VPS13B: variants seen among roughly 807,000 people sequenced by gnomAD.
VPS13B encodes vacuolar protein sorting 13 homolog B, also known as intermembrane lipid transfer protein VPS13B.
A neutral mutation model predicts 426.4 loss-of-function variants in VPS13B; 285 were observed. That is an observed-to-expected ratio of 0.67 (90% CI 0.61 to 0.74). The LOEUF (loss-of-function observed/expected upper bound fraction) is 0.74, where lower values mean the gene tolerates loss of function less well. VPS13B is among the 30% of genes least tolerant of loss of function. The probability of loss-of-function intolerance (pLI) is 0.00; values close to 1 mark genes in which losing one functional copy is unlikely to be tolerated. For synonymous variants in VPS13B, 1,676 were observed against 1,676.4 expected (o/e 1.00, Z 0.01); for missense variants, 4,537 against 4,782.6 (o/e 0.95, Z 1.51).
chr8:99,377,516 A>C (rs1003835138), intron 19 of VPS13B, among the ~76,000 whole-genome samples: 1 of 151,774 alleles, frequency 6.6e-6, no homozygotes, highest in Non-Finnish European at 1.5e-5. Context: ...TGTGATTTTC[A>C]TTTTTCTTTA....
At chr8:99,308,867 G>A (rs1166517852) in intron 19 of VPS13B, among the ~76,000 whole-genome samples, 5 of 151,786 alleles carry the variant, frequency 3.3e-5, no homozygotes, top group Non-Finnish European at 7.4e-5. Flanking sequence ...TTTAATGATT[G>A]CCATTCTAAC....
At chr8:99,832,994 T>C (rs1011918086) in intron 52 of VPS13B, among the ~76,000 whole-genome samples, 2 of 152,230 alleles carry the variant, frequency 1.3e-5, no homozygotes, top group Admixed American at 6.5e-5. Context: ...TTACCTGTTA[T>C]GAGTTCTTAG....
intron 36 of VPS13B, among the ~76,000 whole-genome samples, chr8:99,700,852 G>T (rs78436051): frequency 0.02 from 3,044 of 152,226 alleles, 110 homozygotes; most frequent in African/African-American, 0.07. Context: ...CCAGAAATTT[G>T]GCTCTGAAAG....
intron 19 of VPS13B, among the ~76,000 whole-genome samples, chr8:99,283,056 T>A (rs1181686569): frequency 2.0e-5 from 3 of 152,116 alleles, no homozygotes; most frequent in Non-Finnish European, 4.4e-5. Flanking sequence ...TTGGAGTTGG[T>A]TGGTTAGAAT....
Position 99,720,586 on chromosome 8 carries a change from C to G in VPS13B, c.6865+34C>G, listed in dbSNP as rs145937657. On this transcript the variant is annotated intron_variant, in intron 38 of 61. Coordinates refer to ENST00000357162, the MANE Select transcript of VPS13B (RefSeq NM_152564.5). ...CAACAGACTCAGTATGAGAGTGTCT[C>G]TGTGCATGTGGTTGCATTTTAAATG... The G allele has an allele frequency of 1.2e-3, 1,980 of 1,597,968 alleles. 18 individuals carry two copies. The African/African-American group carries it at 0.023, about 19-fold the overall frequency.
intron 39 of VPS13B, among the ~76,000 whole-genome samples, chr8:99,734,123 T>C (rs771087295): frequency 8.8e-4 from 134 of 152,340 alleles, no homozygotes; most frequent in Non-Finnish European, 1.4e-3. Flanking sequence ...CATATAAATA[T>C]AGTTTTTTTG....
Position 99,590,578 on chromosome 8 carries a change from T to C in VPS13B, c.5220+12945T>C, listed in dbSNP as rs1391250020. On this transcript the variant is annotated intron_variant, in intron 33 of 61. Transcript: ENST00000357162. ...TTCAAAGAACATCTTTATTTCTGCC[T>C]TCATTTCGTTATTTACCAAGTAGTC... 2.6e-5 allele frequency among the ~76,000 whole-genome samples: 4 copies of C among 152,208 alleles called. No individual in the cohort carries two copies. In the East Asian group the frequency reaches 7.7e-4, roughly 29 times the overall value.
intron 13 of VPS13B, among the ~76,000 whole-genome samples, chr8:99,145,282 T>A (rs1284898727): frequency 6.6e-6 from 1 of 152,200 alleles, no homozygotes; most frequent in Non-Finnish European, 1.5e-5. Flanking sequence ...TTTTAAAAAA[T>A]TTAGATTTTC....
chr8:99,113,399 G>A lies in VPS13B; in HGVS notation c.762+2120G>A, dbSNP rs1010565793. Among the ~76,000 whole-genome samples the A allele has an allele frequency of 3.9e-5, 6 of 152,120 alleles. No homozygotes were observed. In the East Asian group the frequency reaches 1.2e-3, roughly 29 times the overall value. On this transcript the variant is annotated intron_variant, in intron 6 of 61. Transcript: ENST00000357162. ...ATTCCTGGCATGAGCCACCATGCCT[G>A]CCTGAGTTTTTTGTTAATACTATTG... is the stretch of plus-strand genomic sequence containing the variant.
chr8:99,384,094 C>T lies in VPS13B; in HGVS notation c.2825-114C>T, dbSNP rs1588315511. The T allele has an allele frequency of 9.3e-5, 84 of 898,438 alleles. 1 individual carries two copies. Among genetic ancestry groups the T allele is most frequent in the South Asian group, 7.0e-4 (52 of 74,292 alleles). 55.7% of individuals were successfully genotyped at this position (898,438 alleles called of 1,614,324 possible). On this transcript the variant is annotated intron_variant, in intron 19 of 61. Transcript: ENST00000357162. Reference sequence around the variant, plus strand: ...TTGCATTCCTCCACATCCTTTCCAACGCTTGTTACTGTTTGTCTGTTATGT... The same window carrying T: ...TTGCATTCCTCCACATCCTTTCCAATGCTTGTTACTGTTTGTCTGTTATGT...
At chr8:99,441,311 T>C (rs955351342) in intron 22 of VPS13B, among the ~76,000 whole-genome samples, 2 of 152,138 alleles carry the variant, frequency 1.3e-5, no homozygotes, top group African/African-American at 4.8e-5. Flanking sequence ...AATATAATCA[T>C]GTTCTCACCA....
rs1180636454 is a variant in VPS13B at position 99,249,211 on chromosome 8, AT to A, written c.2516-24980del. On this transcript the variant is annotated intron_variant, in intron 17 of 61. Transcript: ENST00000357162. ...TGTTGTGTGTATCAATAGTTCATTC[AT>A]TTTTTTATTGCTCATAATATTCCAT... Among the ~76,000 whole-genome samples, 14 of 151,992 alleles carry A rather than the reference AT, an allele frequency of 9.2e-5. 1 individual carries two copies. The highest frequency in any genetic ancestry group is 3.4e-4 in the African/African-American group (14 of 41,372).
At chr8:99,370,923 A>T (rs1813145427) in intron 19 of VPS13B, among the ~76,000 whole-genome samples, 1 of 152,074 alleles carries the variant, frequency 6.6e-6, no homozygotes, top group Admixed American at 6.6e-5. Context: ...AGTTTTTATT[A>T]TAAAAGTAAT....
chr8:99,757,414 A>G (rs892657594), intron 39 of VPS13B, among the ~76,000 whole-genome samples: 1 of 151,948 alleles, frequency 6.6e-6, no homozygotes, highest in South Asian at 2.1e-4. Context: ...CTCTCTACCT[A>G]CCAACTCTTT....
intron 3 of VPS13B, among the ~76,000 whole-genome samples, chr8:99,086,819 C>T (rs7011752): frequency 0.73 from 110,738 of 151,272 alleles, 41,106 homozygotes; most frequent in South Asian, 0.86. Flanking sequence ...CCTCTGGAAG[C>T]TTTGTCTCAG....
Position 99,096,216 on chromosome 8 carries a change from T to C in VPS13B, c.292-96T>C, listed in dbSNP as rs578151865. 1.4e-5 allele frequency: 19 copies of C among 1,390,602 alleles called. No individual in the cohort carries two copies. In the African/African-American group the frequency reaches 1.6e-4, roughly 12 times the overall value. The allele number at this position is 1,390,602 out of a possible 1,614,324, so 86.1% of individuals were successfully genotyped here. A position where few individuals can be genotyped will look rare whatever the true frequency, so the allele number is the denominator to read the frequency against. On this transcript the variant is annotated intron_variant, in intron 3 of 61. Coordinates refer to ENST00000357162, the MANE Select transcript of VPS13B (RefSeq NM_152564.5). ...ATAAAATTATGTTGATCTTATCTCC[T>C]GTAGCTACCATAAACTGCATATATT...
At chr8:99,813,618 A>G (rs767942327) in intron 44 of VPS13B, among the ~76,000 whole-genome samples, 1 of 152,244 alleles carries the variant, frequency 6.6e-6, no homozygotes, top group Non-Finnish European at 1.5e-5. Flanking sequence ...GTTATTGTGA[A>G]AGCATAGTTT....
In VPS13B at chr8:99,279,099, G is replaced by A. The variant is rs542012875; in HGVS notation, c.2824+3845G>A. On this transcript the variant is annotated intron_variant, in intron 19 of 61. Coordinates refer to ENST00000357162, the MANE Select transcript of VPS13B (RefSeq NM_152564.5). Reference sequence around the variant, plus strand: ...ACATTTAAAAATAGGTTCTGCAGGTGCAGTGGCTCATCCCTGTAATCCCAG... The same window carrying A: ...ACATTTAAAAATAGGTTCTGCAGGTACAGTGGCTCATCCCTGTAATCCCAG... Among the ~76,000 whole-genome samples, 10 of 152,244 alleles carry A rather than the reference G, an allele frequency of 6.6e-5. No homozygotes were observed. In the South Asian group the frequency reaches 2.1e-3, roughly 32 times the overall value.
chr8:99,816,517 C>G (rs917446403), intron 44 of VPS13B, among the ~76,000 whole-genome samples: 1 of 152,170 alleles, frequency 6.6e-6, no homozygotes, highest in Non-Finnish European at 1.5e-5. Context: ...AAAACTTACA[C>G]AGTTTAGGCC....
Sources: allele counts gnomAD v4.1 joint callset (sites outside exome capture counted in the v4.1 genomes callset), GRCh38; gene constraint gnomAD v4.1.1; transcripts MANE v1.5; gene names NCBI Gene and HGNC (gene_info 2026-07-23, HGNC 2026-07-21).